PSD2: variants seen among roughly 807,000 people sequenced by gnomAD.
The protein encoded by PSD2 is PH and SEC7 domain-containing protein 2.
A neutral mutation model predicts 69.8 loss-of-function variants in PSD2; 38 were observed. That is an observed-to-expected ratio of 0.54 (90% confidence interval 0.42 to 0.71). The LOEUF (loss-of-function observed/expected upper bound fraction) is 0.71, where lower values mean the gene tolerates loss of function less well. Among genes scored for constraint, PSD2 ranks in the 30% least tolerant of loss-of-function variants. The probability of loss-of-function intolerance (pLI) is 0.00; values close to 1 mark genes in which losing one functional copy is unlikely to be tolerated. For synonymous variants in PSD2, 412 were observed against 423.0 expected (o/e 0.97, Z 0.32); for missense variants, 943 against 1,014.5 (o/e 0.93, Z 0.96).
the PSD2 span, among the ~76,000 whole-genome samples, chr5:139,766,905 C>CTCTT: frequency 3.4e-4 from 15 of 44,336 alleles, no homozygotes; most frequent in African/African-American, 7.6e-4. Context: ...CCCTCTTTCC[C>CTCTT]TCCCTTCCTT....
chr5:139,759,216 A>G, the PSD2 span, among the ~76,000 whole-genome samples: 1 of 152,160 alleles, frequency 6.6e-6, no homozygotes, highest in African/African-American at 2.4e-5. Context: ...TGTGTGTTGG[A>G]AAGGCTGCAC....
In PSD2 at chr5:139,815,176, ACTT is replaced by A. The variant is rs879665247; in HGVS notation, c.1016+818_1016+820del. On this transcript the variant is annotated intron_variant, in intron 4 of 14. Transcript: ENST00000274710. ...AGGTCCTGGATCCTCCTCTTCTCTC[ACTT>A]CTTCTCCCTCCCTCCACTTCTCCCT... Among the ~76,000 whole-genome samples the A allele has an allele frequency of 7.3e-5, 11 of 151,442 alleles. No individual in the cohort carries two copies. In the South Asian group the frequency reaches 1.0e-3, roughly 14 times the overall value.
chr5:139,809,865 T>C, intron 2 of PSD2, 54 bp downstream of exon 2: 1 of 1,591,964 alleles, frequency 6.3e-7, no homozygotes, highest in Non-Finnish European at 8.5e-7. Context: ...TCTGTTGTTG[T>C]GTGGCCTGGG....
chr5:139,808,449 A>G (rs1759864725), intron 1 of PSD2, among the ~76,000 whole-genome samples: 1 of 152,210 alleles, frequency 6.6e-6, no homozygotes, highest in South Asian at 2.1e-4. Flanking sequence ...GAAGAGAAAC[A>G]GACCCAGAGG....
At chr5:139,841,498 A>G (rs911698271) in intron 14 of PSD2, among the ~76,000 whole-genome samples, 6 of 152,242 alleles carry the variant, frequency 3.9e-5, no homozygotes, top group Admixed American at 6.5e-5. Context: ...TATCCCTTCA[A>G]GACCCTGCTT....
At position 139,814,035 on chromosome 5, in the gene PSD2, C is replaced by T. The variant is rs116355027; in HGVS notation, c.822-135C>T. 1.3e-3 allele frequency: 1,057 copies of T among 841,218 alleles called. 10 individuals are homozygous for T. The African/African-American group carries it at 0.016, about 12-fold the overall frequency. 52.1% of individuals were successfully genotyped at this position (841,218 alleles called of 1,614,324 possible). A position where few individuals can be genotyped will look rare whatever the true frequency, so the allele number is the denominator to read the frequency against. The stretch of plus-strand genomic sequence containing the variant: ...TCTGAAAGTCTGATTTCATTCCCTC[C>T]GGCTGCAGTGGAGCTTCTTTCCCTG... On this transcript the variant is annotated intron_variant, in intron 3 of 14. Coordinates refer to ENST00000274710, the MANE Select transcript of PSD2 (RefSeq NM_032289.4). The surrounding 1 kb of genome is among the most constrained non-coding windows in gnomAD (Gnocchi z 4.4).
At chr5:139,790,021 C>A in the PSD2 span, among the ~76,000 whole-genome samples, 1 of 152,004 alleles carries the variant, frequency 6.6e-6, no homozygotes, top group African/African-American at 2.4e-5. Flanking sequence ...GGGAGTGTCC[C>A]TGGTGCTTTG....
At chr5:139,829,717 T>C (rs775080731) in intron 7 of PSD2, among the ~76,000 whole-genome samples, 19 of 152,260 alleles carry the variant, frequency 1.2e-4, no homozygotes, top group Non-Finnish European at 2.5e-4. Context: ...TGCCACATTT[T>C]ATTTATCTGT....
Position 139,842,696 on chromosome 5 carries a change from T to C in PSD2, c.*222T>C, listed in dbSNP as rs745859957. The C allele has an allele frequency of 1.8e-4, 98 of 557,270 alleles. No homozygotes were observed. The highest frequency in any genetic ancestry group is 2.8e-4 in the Non-Finnish European group (86 of 312,378). The allele number at this position is 557,270 out of a possible 1,614,324, so 34.5% of individuals were successfully genotyped here. On this transcript the variant is annotated 3_prime_UTR_variant, in exon 15 of 15. Transcript: ENST00000274710. ...CATCAGACCCTCTCCCTGGCCCTTGTTTTCCTCTCCACCATGGAGCCTCAT... is the reference window on the plus strand; with the variant it reads ...CATCAGACCCTCTCCCTGGCCCTTGCTTTCCTCTCCACCATGGAGCCTCAT...
the PSD2 span, among the ~76,000 whole-genome samples, chr5:139,770,354 C>T: frequency 6.6e-6 from 1 of 152,018 alleles, no homozygotes; most frequent in African/African-American, 2.4e-5. Flanking sequence ...GTCAGGAGCT[C>T]GAGACCAGCC....
the PSD2 span, among the ~76,000 whole-genome samples, chr5:139,766,829 T>TTCTCTCTCTTTCTTTCTTTCTC: frequency 2.0e-5 from 1 of 49,276 alleles, no homozygotes; most frequent in East Asian, 6.8e-4. Flanking sequence ...AGTCCCTTCC[T>TTCTCTCTCTTTCTTTCTTTCTC]TCTTTCTTTC....
At chr5:139,830,823 C>CTT (rs60786662) in intron 7 of PSD2, among the ~76,000 whole-genome samples, 269 of 82,918 alleles carry the variant, frequency 3.2e-3, no homozygotes, top group African/African-American at 5.0e-3. Flanking sequence ...CCTGGACTTG[C>CTT]TTTTTTTTTT....
the PSD2 span, among the ~76,000 whole-genome samples, chr5:139,783,478 C>T: frequency 6.6e-6 from 1 of 152,140 alleles, no homozygotes; most frequent in African/African-American, 2.4e-5. Context: ...GGTGTCAGTG[C>T]TTCCTGTCTT....
At chr5:139,810,761 G>GC (rs1398782898) in intron 2 of PSD2, among the ~76,000 whole-genome samples, 1 of 152,222 alleles carries the variant, frequency 6.6e-6, no homozygotes, top group Non-Finnish European at 1.5e-5. Flanking sequence ...TTTCCATCCA[G>GC]GCAGGGCCTA....
At chr5:139,757,286 C>T in the PSD2 span, among the ~76,000 whole-genome samples, 6 of 152,246 alleles carry the variant, frequency 3.9e-5, no homozygotes, top group Non-Finnish European at 7.3e-5. Context: ...GCCATCTCCA[C>T]TGCTTACAGC....
chr5:139,837,823 A>G lies in PSD2; in HGVS notation c.1823+41A>G, dbSNP rs1288689177. 6.4e-7 allele frequency: 1 copy of G among 1,574,600 alleles called. No individual in the cohort carries two copies. The highest frequency in any genetic ancestry group is 1.1e-5 in the South Asian group (1 of 86,974). On this transcript the variant is annotated intron_variant, in intron 12 of 14. Transcript: ENST00000274710. This position sits in a 1 kb window ranked among gnomAD's most constrained non-coding sequence, Gnocchi z 5.0. ...AGCCCTTCACTCCCACCTGGGGCCC[A>G]GGGCCACAGTGACCCGGCACACAAC...
In PSD2 at chr5:139,837,602, C is replaced by A; in HGVS notation, c.1666-23C>A. ...GGAAGGTGTGGGTCAGTGACCCTAG[C>A]TCGCCCATCCTGCCCCACCCAGGAT... On this transcript the variant is annotated intron_variant, in intron 11 of 14. Transcript: ENST00000274710. This position sits in a 1 kb window ranked among gnomAD's most constrained non-coding sequence, Gnocchi z 5.0. The A allele has an allele frequency of 6.3e-7, 1 of 1,576,348 alleles. No individual in the cohort carries two copies. Among genetic ancestry groups the A allele is most frequent in the Non-Finnish European group, 8.7e-7 (1 of 1,153,494 alleles).
At chr5:139,780,258 G>T in the PSD2 span, among the ~76,000 whole-genome samples, 1 of 152,274 alleles carries the variant, frequency 6.6e-6, no homozygotes, top group South Asian at 2.1e-4. Flanking sequence ...ACCAGTGAAG[G>T]TTACAATGAC....
chr5:139,838,846 A>T, intron 13 of PSD2, 74 bp downstream of exon 13: 2 of 1,505,728 alleles, frequency 1.3e-6, no homozygotes, highest in South Asian at 2.4e-5. Flanking sequence ...CAGCAGCCCC[A>T]CCCCAGCTCT....
Sources: allele counts gnomAD v4.1 joint callset (sites outside exome capture counted in the v4.1 genomes callset), GRCh38; gene constraint gnomAD v4.1.1; non-coding constraint Gnocchi (gnomAD v3.1); transcripts MANE v1.5; gene names NCBI Gene and HGNC (gene_info 2026-07-23, HGNC 2026-07-21).